The following CSMD1 variants were observed in gnomAD, a reference collection of about 807,000 sequenced individuals.
The protein encoded by CSMD1 is CUB and Sushi multiple domains 1.
In CSMD1, 213 loss-of-function variants were observed where a neutral mutation model predicts 417.5. The ratio of observed to expected loss-of-function variants is 0.51; its 90% CI spans 0.46 to 0.57. The LOEUF (loss-of-function observed/expected upper bound fraction) is 0.57, where lower values mean the gene tolerates loss of function less well. Ranked by LOEUF, CSMD1 falls within the 20% of genes least tolerant of loss-of-function variation. The pLI is 0.00. For synonymous variants in CSMD1, 2,862 were observed against 1,736.8 expected, an observed-to-expected ratio of 1.65 and a Z score of -16.11; for missense variants, 6,923 against 4,529.7, an observed-to-expected ratio of 1.53 and a Z score of -15.17.
intron 5 of CSMD1, among the ~76,000 whole-genome samples, chr8:3,781,777 G>T (rs1438930146): frequency 6.6e-6 from 1 of 152,140 alleles, no homozygotes; most frequent in East Asian, 1.9e-4. Context: ...GCTTAGAAAT[G>T]CTGAATAAAT....
At chr8:3,638,842 G>C (rs887892873) in intron 7 of CSMD1, among the ~76,000 whole-genome samples, 5 of 152,116 alleles carry the variant, frequency 3.3e-5, no homozygotes, top group Admixed American at 1.3e-4. Flanking sequence ...TCTCCAGGAA[G>C]ATACCCTGGA....
At chr8:3,248,593 G>C (rs1443143156) in intron 26 of CSMD1, among the ~76,000 whole-genome samples, 1 of 144,782 alleles carries the variant, frequency 6.9e-6, no homozygotes, top group Non-Finnish European at 1.5e-5. Flanking sequence ...ACAGTGGCGC[G>C]ATCTCAGCTC....
intron 3 of CSMD1, among the ~76,000 whole-genome samples, chr8:4,392,405 C>G (rs572471053): frequency 6.6e-6 from 1 of 152,038 alleles, no homozygotes; most frequent in Non-Finnish European, 1.5e-5. Context: ...CAAAATTATT[C>G]AAATCCCTCC....
chr8:4,385,127 A>G (rs970767079), intron 3 of CSMD1, among the ~76,000 whole-genome samples: 7 of 150,422 alleles, frequency 4.7e-5, no homozygotes. Flanking sequence ...GTGTTTCACC[A>G]TGTTGGCCAG....
At chr8:4,562,233 G>A (rs960754253) in intron 2 of CSMD1, among the ~76,000 whole-genome samples, 4 of 151,960 alleles carry the variant, frequency 2.6e-5, no homozygotes, top group African/African-American at 7.3e-5. Flanking sequence ...ACGACACACC[G>A]GTGTTCCACA....
At chr8:4,168,006 G>GTAA (rs1293704906) in intron 3 of CSMD1, among the ~76,000 whole-genome samples, 1 of 151,970 alleles carries the variant, frequency 6.6e-6, no homozygotes. Context: ...GCAGACTCCT[G>GTAA]TAATCCCAGC....
intron 12 of CSMD1, among the ~76,000 whole-genome samples, chr8:3,424,872 C>G (rs761561638): frequency 3.9e-5 from 6 of 152,172 alleles, no homozygotes; most frequent in African/African-American, 1.4e-4. Context: ...CAGGGTCTTA[C>G]TCTGTTTTCC....
At chr8:4,166,905 C>A (rs1479150173) in intron 3 of CSMD1, among the ~76,000 whole-genome samples, 2 of 152,204 alleles carry the variant, frequency 1.3e-5, no homozygotes, top group Admixed American at 6.5e-5. Flanking sequence ...GCAGCAGCCT[C>A]ATTTTGAATG....
chr8:3,862,663 T>C (rs936439883), intron 5 of CSMD1, among the ~76,000 whole-genome samples: 2 of 152,226 alleles, frequency 1.3e-5, no homozygotes, highest in African/African-American at 4.8e-5. Flanking sequence ...TTTCTTTGGT[T>C]ATTTGCATTC....
intron 5 of CSMD1, among the ~76,000 whole-genome samples, chr8:3,880,025 G>C (rs751592682): frequency 6.6e-6 from 1 of 151,752 alleles, no homozygotes; most frequent in Non-Finnish European, 1.5e-5. Context: ...ACTAATGTAA[G>C]TATAAAATCC....
chr8:4,082,914 T>G (rs1800217652), intron 3 of CSMD1, among the ~76,000 whole-genome samples: 1 of 151,938 alleles, frequency 6.6e-6, no homozygotes, highest in Non-Finnish European at 1.5e-5. Context: ...TATTTCCAAT[T>G]TCATCCATGT....
At position 4,241,411 on chromosome 8, in the gene CSMD1, T is replaced by C. The variant is rs543837524; in HGVS notation, c.415+178542A>G. On this transcript the variant is annotated intron_variant, in intron 3 of 69. Transcript: ENST00000635120. The stretch of plus-strand genomic sequence containing the variant: ...CCCACTTAAGTACTTGCTAACCCCA[T>C]GTTAAACTTCCTCATAGCACTTTAT... 3.3e-5 allele frequency among the ~76,000 whole-genome samples: 5 copies of C among 152,318 alleles called. No individual in the cohort carries two copies. In the East Asian group the frequency reaches 9.7e-4, roughly 29 times the overall value.
At chr8:4,430,844 G>A (rs117235955) in intron 2 of CSMD1, among the ~76,000 whole-genome samples, 88 of 152,200 alleles carry the variant, frequency 5.8e-4, no homozygotes, top group Non-Finnish European at 9.6e-4. Context: ...CTTCACTCCA[G>A]TGTTGTCCCC....
At chr8:4,700,946 T>C (rs1337000799) in intron 1 of CSMD1, among the ~76,000 whole-genome samples, 1 of 152,160 alleles carries the variant, frequency 6.6e-6, no homozygotes, top group Non-Finnish European at 1.5e-5. Flanking sequence ...AGGTATCAAG[T>C]AACCTTCGGT....
At chr8:4,062,867 C>T (rs961508976) in intron 3 of CSMD1, among the ~76,000 whole-genome samples, 9 of 151,376 alleles carry the variant, frequency 5.9e-5, no homozygotes, top group Non-Finnish European at 1.0e-4. Context: ...AAATGAAAGC[C>T]TGTACGTAAT....
chr8:4,286,932 T>C (rs1797091182), intron 3 of CSMD1, among the ~76,000 whole-genome samples: 2 of 152,134 alleles, frequency 1.3e-5, no homozygotes, highest in Non-Finnish European at 2.9e-5. Flanking sequence ...TGTTATTGGA[T>C]AGGAGTCAAT....
chr8:3,112,578 T>C (rs1294637184), intron 42 of CSMD1, among the ~76,000 whole-genome samples: 1 of 152,178 alleles, frequency 6.6e-6, no homozygotes, highest in Non-Finnish European at 1.5e-5. Context: ...AAATAACAAA[T>C]CTTTTCACTC....
chr8:4,083,846 C>A (rs1322527850), intron 3 of CSMD1, among the ~76,000 whole-genome samples: 2 of 152,140 alleles, frequency 1.3e-5, no homozygotes, highest in Non-Finnish European at 2.9e-5. Context: ...CAAATGGGAT[C>A]TAATTAAACT....
chr8:3,472,242 C>T (rs1465755611), intron 11 of CSMD1, among the ~76,000 whole-genome samples: 1 of 152,052 alleles, frequency 6.6e-6, no homozygotes, highest in Non-Finnish European at 1.5e-5. Flanking sequence ...ACTGGTCATA[C>T]CTTGCACCTT....
Sources: gnomAD v4.1 joint callset for allele counts (sites outside exome capture counted in the v4.1 genomes callset) on GRCh38, gnomAD v4.1.1 for gene constraint, MANE v1.5 for transcripts, NCBI Gene and HGNC (gene_info 2026-07-23, HGNC 2026-07-21) for gene names.